CSMD1: variants seen among roughly 807,000 people sequenced by gnomAD.
CSMD1 encodes CUB and sushi domain-containing protein 1.
CSMD1 carries 213 observed loss-of-function variants against 417.5 expected under a neutral mutation model. That is an observed-to-expected ratio of 0.51 (90% confidence interval 0.46 to 0.57). CSMD1 has a LOEUF of 0.57. CSMD1 is among the 20% of genes least tolerant of loss of function. The probability of loss-of-function intolerance (pLI) is 0.00; values close to 1 mark genes in which losing one functional copy is unlikely to be tolerated. For synonymous variants in CSMD1, 2,862 were observed against 1,736.8 expected, an observed-to-expected ratio of 1.65 and a Z score of -16.11; for missense variants, 6,923 against 4,529.7, an observed-to-expected ratio of 1.53 and a Z score of -15.17.
chr8:3,955,464 G>C (rs953130458), intron 5 of CSMD1, among the ~76,000 whole-genome samples: 1 of 152,140 alleles, frequency 6.6e-6, no homozygotes, highest in Non-Finnish European at 1.5e-5. Context: ...AAATAAAGTA[G>C]AATTTTGTAC....
At chr8:3,245,192 T>A (rs1799797235) in intron 26 of CSMD1, among the ~76,000 whole-genome samples, 1 of 152,194 alleles carries the variant, frequency 6.6e-6, no homozygotes, top group African/African-American at 2.4e-5. Flanking sequence ...GTCTTCTGAG[T>A]TGCTCAAATC....
chr8:3,742,198 G>C (rs1212676517), intron 6 of CSMD1, among the ~76,000 whole-genome samples: 1 of 152,084 alleles, frequency 6.6e-6, no homozygotes, highest in East Asian at 1.9e-4. Context: ...TTAAGGAGAA[G>C]TGATCATTCC....
intron 3 of CSMD1, among the ~76,000 whole-genome samples, chr8:4,090,770 A>G (rs948869420): frequency 8.5e-5 from 13 of 152,342 alleles, no homozygotes; most frequent in African/African-American, 3.1e-4. Context: ...GTAGTGGGTT[A>G]TAATTAATAA....
chr8:3,960,605 T>A (rs2627485), intron 5 of CSMD1, among the ~76,000 whole-genome samples: 13 of 151,862 alleles, frequency 8.6e-5, no homozygotes, highest in African/African-American at 3.1e-4. Context: ...TTTTAAATAT[T>A]GTATATAACA....
chr8:4,829,471 G>A (rs927015616), intron 1 of CSMD1, among the ~76,000 whole-genome samples: 1 of 152,152 alleles, frequency 6.6e-6, no homozygotes, highest in African/African-American at 2.4e-5. Flanking sequence ...GCCAGGTGCA[G>A]TGGCTAATAC....
At chr8:4,339,498 G>A (rs1048155373) in intron 3 of CSMD1, among the ~76,000 whole-genome samples, 2 of 152,222 alleles carry the variant, frequency 1.3e-5, no homozygotes, top group African/African-American at 2.4e-5. Flanking sequence ...GTGACAAAGA[G>A]TTTAAATTTA....
At chr8:4,576,881 A>G (rs539206368) in intron 2 of CSMD1, among the ~76,000 whole-genome samples, 1 of 152,344 alleles carries the variant, frequency 6.6e-6, no homozygotes, top group South Asian at 2.1e-4. Context: ...TACTTCAGTT[A>G]TGATTAAATA....
At chr8:4,372,293 G>C (rs1475168251) in intron 3 of CSMD1, among the ~76,000 whole-genome samples, 3 of 152,128 alleles carry the variant, frequency 2.0e-5, no homozygotes, top group African/African-American at 7.2e-5. Flanking sequence ...AAGTCTGTGG[G>C]TTAAATGACA....
intron 55 of CSMD1, among the ~76,000 whole-genome samples, chr8:2,977,598 G>C (rs771398153): frequency 6.6e-6 from 1 of 152,128 alleles, no homozygotes; most frequent in Non-Finnish European, 1.5e-5. Flanking sequence ...CTAAACAAAA[G>C]AGCTTTAGCA....
At chr8:3,520,896 C>A (rs779814615) in intron 10 of CSMD1, among the ~76,000 whole-genome samples, 15 of 152,058 alleles carry the variant, frequency 9.9e-5, no homozygotes, top group African/African-American at 3.6e-4. Context: ...AGCACTGGAA[C>A]CTCCTGGTCA....
chr8:4,056,761 C>T (rs2130719717), intron 3 of CSMD1, among the ~76,000 whole-genome samples: 1 of 152,134 alleles, frequency 6.6e-6, no homozygotes, highest in East Asian at 1.9e-4. Context: ...GTTCAATTCC[C>T]ACCTATGAGT....
intron 23 of CSMD1, among the ~76,000 whole-genome samples, chr8:3,338,925 G>A (rs954831082): frequency 7.3e-5 from 11 of 150,814 alleles, no homozygotes; most frequent in African/African-American, 2.0e-4. Context: ...ATGCTGGTGC[G>A]CTGCACCCAC....
chr8:4,370,635 A>C (rs1441989606), intron 3 of CSMD1, among the ~76,000 whole-genome samples: 1 of 152,138 alleles, frequency 6.6e-6, no homozygotes, highest in African/African-American at 2.4e-5. Flanking sequence ...CATTTTTAAA[A>C]ATTCATTTTT....
chr8:2,947,517 A>T (rs76620314), intron 68 of CSMD1, among the ~76,000 whole-genome samples: 2,088 of 152,336 alleles, frequency 0.014, 26 homozygotes, highest in Middle Eastern at 0.031. Flanking sequence ...TGAGAATAAA[A>T]ATCCCTTGTT....
At chr8:4,416,283 T>A (rs112505347) in intron 3 of CSMD1, among the ~76,000 whole-genome samples, 21 of 152,146 alleles carry the variant, frequency 1.4e-4, no homozygotes, top group African/African-American at 4.8e-4. Context: ...TCATAAAGAA[T>A]ACAATTAACT....
chr8:4,128,427 T>A (rs541341600), intron 3 of CSMD1, among the ~76,000 whole-genome samples: 1 of 152,186 alleles, frequency 6.6e-6, no homozygotes, highest in Non-Finnish European at 1.5e-5. Flanking sequence ...ATTGGGAAAG[T>A]TGCAAGACAA....
intron 5 of CSMD1, among the ~76,000 whole-genome samples, chr8:3,767,307 T>C (rs1304200666): frequency 6.6e-6 from 1 of 152,240 alleles, no homozygotes; most frequent in East Asian, 1.9e-4. Context: ...GGTGTGGTCA[T>C]TACGAACACG....
intron 2 of CSMD1, among the ~76,000 whole-genome samples, chr8:4,541,942 C>A (rs968662222): frequency 3.3e-5 from 5 of 152,046 alleles, no homozygotes; most frequent in African/African-American, 1.2e-4. Flanking sequence ...TGTTGGCAGG[C>A]GATGAATTTC....
In CSMD1 at chr8:3,262,184, AATATATATAT is replaced by A. The variant is rs201972449; in HGVS notation, c.4153+21950_4153+21959del. Among the ~76,000 whole-genome samples, 269 of 63,162 alleles carry A rather than the reference AATATATATAT, an allele frequency of 4.3e-3. 1 individual carries two copies. The highest frequency in any genetic ancestry group is 0.018 in the East Asian group (30 of 1,680). The allele number at this position is 63,162 out of a possible 152,430, so 41.4% of individuals were successfully genotyped here. A position where few individuals can be genotyped will look rare whatever the true frequency, so the allele number is the denominator to read the frequency against. ...TTATTTCTAAAATTATGCTCATATGAATATATATATATATATATATATATATATATATATA... is the reference window on the plus strand; with the variant it reads ...TTATTTCTAAAATTATGCTCATATGAATATATATATATATATATATATATA... On this transcript the variant is annotated intron_variant, in intron 26 of 69. Coordinates refer to ENST00000635120, the MANE Select transcript of CSMD1 (RefSeq NM_033225.6).
Sources: allele counts gnomAD v4.1 joint callset (sites outside exome capture counted in the v4.1 genomes callset), GRCh38; gene constraint gnomAD v4.1.1; transcripts MANE v1.5; gene names NCBI Gene and HGNC (gene_info 2026-07-23, HGNC 2026-07-21).